Variants in SLC7A10 observed in about 807,000 individuals in gnomAD.
SLC7A10 encodes the protein asc-type amino acid transporter 1.
Under a neutral mutation model 52.7 loss-of-function variants are expected in SLC7A10, and 30 were observed. The ratio of observed to expected loss-of-function variants is 0.57; its 90% CI spans 0.43 to 0.77. The LOEUF (loss-of-function observed/expected upper bound fraction) is 0.77. Among genes scored for constraint, SLC7A10 ranks in the 30% least tolerant of loss-of-function variants. SLC7A10 has a pLI of 0.00. For synonymous variants in SLC7A10, 318 were observed against 314.9 expected (o/e 1.01, Z -0.10); for missense variants, 581 against 698.5 (o/e 0.83, Z 1.90).
chr19:33,225,787 A>C lies in SLC7A10; in HGVS notation c.-84T>G. The C allele has an allele frequency of 4.4e-6, 6 of 1,361,238 alleles. No individual in the cohort carries two copies. Among genetic ancestry groups the C allele is most frequent in the Non-Finnish European group, 4.7e-6 (5 of 1,055,084 alleles). 84.3% of individuals were successfully genotyped at this position (1,361,238 alleles called of 1,614,324 possible). A position where few individuals can be genotyped will look rare whatever the true frequency, so the allele number is the denominator to read the frequency against. ...CGTCGGTCCGTCGGTCCGTGAGCTC[A>C]CGGCCCTCGCAGCCGGGACAGCGCC... On this transcript the variant is annotated 5_prime_UTR_variant, in exon 1 of 11. Coordinates refer to ENST00000253188, the MANE Select transcript of SLC7A10 (RefSeq NM_019849.3).
Position 33,225,698 on chromosome 19 carries a change from G to T in SLC7A10, c.6C>A (p.Ala2=). The T allele has an allele frequency of 6.5e-7, 1 of 1,531,654 alleles. No homozygotes were observed. The highest frequency in any genetic ancestry group is 8.7e-7 in the Non-Finnish European group (1 of 1,148,476). The allele number at this position is 1,531,654 out of a possible 1,614,324, so 94.9% of individuals were successfully genotyped here. A position where few individuals can be genotyped will look rare whatever the true frequency, so the allele number is the denominator to read the frequency against. The change falls in exon 1 of 11, where the codon GCC becomes GCA. Residue 2 remains alanine, a synonymous_variant. Transcript: ENST00000253188. M[A]GHTQQPSGRG... is the part of the protein sequence containing the mutation. ...GCCCGCTCGGCTGCTGCGTGTGGCCGGCCATGTCGCTGTCCCGCCGCGTCC... is the reference window on the plus strand; with the variant it reads ...GCCCGCTCGGCTGCTGCGTGTGGCCTGCCATGTCGCTGTCCCGCCGCGTCC...
intron 1 of SLC7A10, among the ~76,000 whole-genome samples, chr19:33,219,197 C>A (rs896666909): frequency 1.2e-4 from 18 of 152,160 alleles, no homozygotes; most frequent in African/African-American, 4.3e-4. Flanking sequence ...GACTGCCCCC[C>A]AAGTCGGCCT....
chr19:33,214,391 G>A (rs1974624257), intron 2 of SLC7A10, among the ~76,000 whole-genome samples: 1 of 152,096 alleles, frequency 6.6e-6, no homozygotes, highest in Admixed American at 6.6e-5. Context: ...TGCCACCTCC[G>A]CTGCACCCAC....
intron 2 of SLC7A10, among the ~76,000 whole-genome samples, chr19:33,214,668 G>C (rs760533589): frequency 2.6e-4 from 39 of 152,240 alleles, no homozygotes; most frequent in Non-Finnish European, 4.4e-4. Flanking sequence ...TCACTGGTCA[G>C]CTAGGCCCGG....
intron 1 of SLC7A10, among the ~76,000 whole-genome samples, chr19:33,218,062 G>T (rs939412475): frequency 1.3e-5 from 2 of 152,188 alleles, no homozygotes; most frequent in Non-Finnish European, 2.9e-5. Flanking sequence ...GGGATTTGCC[G>T]AAAGCCAGGG....
rs113260508 is a variant in SLC7A10, at chr19:33,213,207, G to A, written c.357-205C>T. Among the ~76,000 whole-genome samples the A allele has an allele frequency of 2.4e-3, 361 of 152,320 alleles. 1 individual carries two copies. Among genetic ancestry groups the A allele is most frequent in the Non-Finnish European group, 3.9e-3 (268 of 68,032 alleles). The stretch of plus-strand genomic sequence containing the variant: ...GATAGACTGTTTTAACAGAGAAGGT[G>A]TTACCCGTACTTAAACATTGACAAG... On this transcript the variant is annotated intron_variant, in intron 2 of 10. Coordinates refer to ENST00000253188, the MANE Select transcript of SLC7A10 (RefSeq NM_019849.3).
In SLC7A10 at chr19:33,208,811, AAAC is replaced by A. The variant is rs1271631406; in HGVS notation, c.*77_*79del. ...TTTCTTTTTTTTCCAGAAAAAAACA[AAAC>A]AAAACTTTTTTGCCAAAACACCTCC... On this transcript the variant is annotated 3_prime_UTR_variant, in exon 11 of 11. Transcript: ENST00000253188. The surrounding 1 kb of genome is among the most constrained non-coding windows in gnomAD (Gnocchi z 4.7). 1 of 1,598,576 alleles carries A rather than the reference AAAC, an allele frequency of 6.3e-7. No individual in the cohort carries two copies. Among genetic ancestry groups the A allele is most frequent in the East Asian group, 2.2e-5 (1 of 44,806 alleles).
chr19:33,209,031 G>C lies in SLC7A10; in HGVS notation c.1442-10C>G, dbSNP rs1974475258. On this transcript the variant is annotated splice_polypyrimidine_tract_variant and intron_variant, in intron 10 of 10. Coordinates refer to ENST00000253188, the MANE Select transcript of SLC7A10 (RefSeq NM_019849.3). Reference sequence around the variant, plus strand: ...CAGTGTGTCATGGACTCTGAGGACAGACAGATGGACCTTGGGGCCTGACCT... The same window carrying C: ...CAGTGTGTCATGGACTCTGAGGACACACAGATGGACCTTGGGGCCTGACCT... The C allele has an allele frequency of 3.7e-6, 6 of 1,613,482 alleles. No individual in the cohort carries two copies. Among genetic ancestry groups the C allele is most frequent in the Non-Finnish European group, 4.2e-6 (5 of 1,179,974 alleles).
At chr19:33,218,687 T>TCTTTCTTTC (rs1318192191) in intron 1 of SLC7A10, among the ~76,000 whole-genome samples, 55 of 85,698 alleles carry the variant, frequency 6.4e-4, no homozygotes, top group African/African-American at 9.5e-4. Flanking sequence ...CTTTCTTTTT[T>TCTTTCTTTC]TTTTTTTTTT....
intron 1 of SLC7A10, among the ~76,000 whole-genome samples, chr19:33,219,288 G>A (rs1181398402): frequency 6.6e-6 from 1 of 152,198 alleles, no homozygotes; most frequent in Non-Finnish European, 1.5e-5. Context: ...TTGGCCTGAT[G>A]GGGCTTACTC....
In SLC7A10 at chr19:33,209,305, C is replaced by T. The variant is rs1226817715; in HGVS notation, c.1441+3G>A. 4.3e-6 allele frequency: 7 copies of T among 1,613,772 alleles called. No individual in the cohort carries two copies. The highest frequency in any genetic ancestry group is 1.6e-4 in the Middle Eastern group (1 of 6,084). On this transcript the variant is annotated splice_donor_region_variant and intron_variant, in intron 10 of 10. Transcript: ENST00000253188. The stretch of plus-strand genomic sequence containing the variant: ...CTGGGTGACCTGCAGCTGCCCGGCT[C>T]ACCTGTGAGTCTGTGCACACACTTT...
intron 5 of SLC7A10, chr19:33,212,064 T>C: frequency 1.6e-6 from 1 of 621,390 alleles, no homozygotes; most frequent in South Asian, 2.0e-5. Context: ...ATTCAGCCTT[T>C]CTGAGGCCCT....
intron 1 of SLC7A10, among the ~76,000 whole-genome samples, chr19:33,224,320 G>GCAT (rs1974877311): frequency 6.6e-6 from 1 of 152,128 alleles, no homozygotes; most frequent in South Asian, 2.1e-4. Context: ...TCAGGCAGGG[G>GCAT]CATCCTAGGC....
intron 3 of SLC7A10, 25 bp downstream of exon 3, chr19:33,212,825 GA>G: frequency 6.2e-7 from 1 of 1,612,112 alleles, no homozygotes; most frequent in Non-Finnish European, 8.5e-7. Context: ...CTGATCTGGG[GA>G]CAGTGGGCCA....
chr19:33,215,137 G>A (rs986159243), intron 2 of SLC7A10, among the ~76,000 whole-genome samples: 69 of 151,900 alleles, frequency 4.5e-4, no homozygotes, highest in Non-Finnish European at 3.2e-4. Context: ...GCGTGGTGGC[G>A]GGCGCCTATA....
In SLC7A10 at chr19:33,210,706, C is replaced by T; in HGVS notation, c.1114-90G>A. The T allele has an allele frequency of 6.2e-7, 1 of 1,608,100 alleles. No homozygotes were observed. The highest frequency in any genetic ancestry group is 1.7e-5 in the Admixed American group (1 of 59,934). On this transcript the variant is annotated intron_variant, in intron 8 of 10. Coordinates refer to ENST00000253188, the MANE Select transcript of SLC7A10 (RefSeq NM_019849.3). The surrounding 1 kb of genome is among the most constrained non-coding windows in gnomAD (Gnocchi z 5.6). ...GCCCTGGCCCCACCCCCAACCCCCACCCTGGAATGGCTCACCCCTGCCATT... is the reference window on the plus strand; with the variant it reads ...GCCCTGGCCCCACCCCCAACCCCCATCCTGGAATGGCTCACCCCTGCCATT...
At chr19:33,219,684 G>A (rs1350077928) in intron 1 of SLC7A10, among the ~76,000 whole-genome samples, 1 of 152,228 alleles carries the variant, frequency 6.6e-6, no homozygotes. Flanking sequence ...GCATATCTGT[G>A]CTGGGCCAAG....
rs1336977204 is a variant in SLC7A10, at chr19:33,208,718, T to G, written c.*173A>C. 1 of 805,846 alleles carries G rather than the reference T, an allele frequency of 1.2e-6. No individual in the cohort carries two copies. Among genetic ancestry groups the G allele is most frequent in the East Asian group, 2.7e-5 (1 of 37,668 alleles). The allele number at this position is 805,846 out of a possible 1,614,324, so 49.9% of individuals were successfully genotyped here. ...TTTTCAGGAAGAGCTAGCAGGGCAG[T>G]GCTAAGACAGGAAACCCAGTCCACA... On this transcript the variant is annotated 3_prime_UTR_variant, in exon 11 of 11. Coordinates refer to ENST00000253188, the MANE Select transcript of SLC7A10 (RefSeq NM_019849.3). The surrounding 1 kb of genome is among the most constrained non-coding windows in gnomAD (Gnocchi z 4.7).
intron 5 of SLC7A10, 32 bp from the exon 6 acceptor site, chr19:33,211,569 A>G: frequency 6.2e-7 from 1 of 1,613,422 alleles, no homozygotes; most frequent in Non-Finnish European, 8.5e-7. Flanking sequence ...CGTCAGCGTC[A>G]GCTCCTGAGG....
Sources: gnomAD v4.1 joint callset for allele counts (sites outside exome capture counted in the v4.1 genomes callset) on GRCh38, gnomAD v4.1.1 for gene constraint, Gnocchi (gnomAD v3.1) non-coding constraint, MANE v1.5 for transcripts, NCBI Gene and HGNC (gene_info 2026-07-23, HGNC 2026-07-21) for gene names.